The following TRAPPC9 variants were observed in gnomAD, a reference collection of about 807,000 sequenced individuals.
TRAPPC9 encodes the protein IKK2 binding protein.
Under a neutral mutation model 124.0 loss-of-function variants are expected in TRAPPC9, and 83 were observed. That is an observed-to-expected ratio of 0.67 (90% confidence interval 0.56 to 0.80). The LOEUF is 0.80. Ranked by LOEUF, TRAPPC9 falls within the 30% of genes least tolerant of loss-of-function variation. The pLI, the probability that TRAPPC9 is intolerant of heterozygous loss-of-function variation, is 0.00. For missense variants in TRAPPC9, 1,302 were observed against 1,508.3 expected, an observed-to-expected ratio of 0.86 and a Z score of 2.27; for synonymous variants, 638 against 617.5, an observed-to-expected ratio of 1.03 and a Z score of -0.49.
At chr8:140,095,872 T>C (rs183178912) in intron 17 of TRAPPC9, 2 of 152,258 alleles carry the variant, frequency 1.3e-5, no homozygotes, top group East Asian at 3.9e-4. Flanking sequence ...GAGCGGTGCC[T>C]CTCCGAGGTG....
At chr8:140,208,128 C>T (rs1440548985) in intron 17 of TRAPPC9, among the ~76,000 whole-genome samples, 4 of 148,128 alleles carry the variant, frequency 2.7e-5, no homozygotes, top group Admixed American at 1.4e-4. Flanking sequence ...CCAGCCTGGG[C>T]GACAAAAATG....
At chr8:139,967,203 G>C (rs890965739) in intron 19 of TRAPPC9, among the ~76,000 whole-genome samples, 1 of 152,148 alleles carries the variant, frequency 6.6e-6, no homozygotes, top group Admixed American at 6.5e-5. Flanking sequence ...GAATGCTCAT[G>C]AGCAATTCTT....
chr8:139,965,483 G>C (rs1835641641), intron 19 of TRAPPC9, among the ~76,000 whole-genome samples: 2 of 152,172 alleles, frequency 1.3e-5, no homozygotes, highest in South Asian at 4.1e-4. Context: ...AACTGGGGCT[G>C]ACAAGATAGG....
At chr8:140,189,971 T>C (rs2062448321) in intron 17 of TRAPPC9, among the ~76,000 whole-genome samples, 1 of 152,146 alleles carries the variant, frequency 6.6e-6, no homozygotes, top group Non-Finnish European at 1.5e-5. Flanking sequence ...TCATCTATCT[T>C]AGGCATTGCC....
intron 17 of TRAPPC9, among the ~76,000 whole-genome samples, chr8:140,195,128 C>T (rs575381774): frequency 2.8e-3 from 426 of 150,388 alleles, no homozygotes; most frequent in African/African-American, 9.1e-3. Context: ...ACACACTCAA[C>T]GATCCACTGT....
intron 9 of TRAPPC9, among the ~76,000 whole-genome samples, chr8:140,316,153 GA>G (rs1208494942): frequency 6.6e-6 from 1 of 152,068 alleles, no homozygotes; most frequent in African/African-American, 2.4e-5. Context: ...CAGAATAGAA[GA>G]AAAACTTTCA....
intron 19 of TRAPPC9, among the ~76,000 whole-genome samples, chr8:139,927,092 T>G (rs768152879): frequency 2.0e-5 from 3 of 152,166 alleles, no homozygotes; most frequent in Non-Finnish European, 4.4e-5. Flanking sequence ...GGGGGAAATG[T>G]AAATGTCAAA....
intron 17 of TRAPPC9, among the ~76,000 whole-genome samples, chr8:140,036,087 T>A (rs28630572): frequency 0.37 from 56,747 of 151,898 alleles, 10,846 homozygotes; most frequent in African/African-American, 0.46. Context: ...GTGGCGGGGC[T>A]ACAGAGAGAG....
At chr8:140,106,081 C>T (rs1169908612) in intron 17 of TRAPPC9, among the ~76,000 whole-genome samples, 1 of 151,062 alleles carries the variant, frequency 6.6e-6, no homozygotes, top group East Asian at 1.9e-4. Flanking sequence ...AAAGCAACAC[C>T]AATGACAAAG....
At chr8:140,305,544 C>T (rs1256491464) in intron 10 of TRAPPC9, among the ~76,000 whole-genome samples, 2 of 152,152 alleles carry the variant, frequency 1.3e-5, no homozygotes, top group Non-Finnish European at 2.9e-5. Flanking sequence ...TCAGGCAATC[C>T]CCCTGCCTCG....
At chr8:140,221,658 G>A in intron 16 of TRAPPC9, 75 bp from the exon 17 acceptor site, 1 of 1,534,486 alleles carries the variant, frequency 6.5e-7, no homozygotes, top group Non-Finnish European at 8.8e-7. Context: ...TTGTTGTTTG[G>A]GACGGGTCTC....
chr8:140,287,144 C>T (rs1400566404), intron 13 of TRAPPC9, among the ~76,000 whole-genome samples: 6 of 152,144 alleles, frequency 3.9e-5, no homozygotes, highest in African/African-American at 9.6e-5. Context: ...CACTGAGGAG[C>T]GAATTTAGAA....
At chr8:139,818,454 C>T (rs10092101) in intron 21 of TRAPPC9, among the ~76,000 whole-genome samples, 74,472 of 151,894 alleles carry the variant, frequency 0.49, 19,876 homozygotes, top group East Asian at 0.72. Context: ...TGTGTGCCTA[C>T]AATCACAGCT....
chr8:139,930,825 G>A (rs919015539), intron 19 of TRAPPC9, among the ~76,000 whole-genome samples: 17 of 152,158 alleles, frequency 1.1e-4, no homozygotes, highest in African/African-American at 3.9e-4. Context: ...GGCGAAAACG[G>A]GGCCACCCAA....
intron 16 of TRAPPC9, among the ~76,000 whole-genome samples, chr8:140,231,404 G>C (rs112168899): frequency 8.7e-5 from 13 of 148,806 alleles, no homozygotes; most frequent in African/African-American, 2.2e-4. Context: ...CCAGCAAAAA[G>C]AGAGAAAAGC....
At chr8:140,177,448 A>G (rs886694578) in intron 17 of TRAPPC9, among the ~76,000 whole-genome samples, 3 of 152,170 alleles carry the variant, frequency 2.0e-5, no homozygotes, top group African/African-American at 7.2e-5. Context: ...TCAATTGACT[A>G]TTTATGGATG....
At chr8:139,854,547 ATTCAAACCCTGG>A (rs1392320943) in intron 21 of TRAPPC9, among the ~76,000 whole-genome samples, 1 of 152,232 alleles carries the variant, frequency 6.6e-6, no homozygotes, top group Non-Finnish European at 1.5e-5. Context: ...AGCCACCCAG[ATTCAAACCCTGG>A]TTCCTCCACT....
intron 9 of TRAPPC9, among the ~76,000 whole-genome samples, chr8:140,357,754 G>A (rs376092892): frequency 8.5e-5 from 13 of 152,258 alleles, no homozygotes; most frequent in South Asian, 4.1e-4. Context: ...GCTCCCTCCC[G>A]TCACCGAAAC....
chr8:139,926,413 T>C (rs1832818585), intron 19 of TRAPPC9, among the ~76,000 whole-genome samples: 1 of 152,126 alleles, frequency 6.6e-6, no homozygotes, highest in African/African-American at 2.4e-5. Context: ...GAAGAACGAA[T>C]GGGTACCCCA....
Sources: allele counts gnomAD v4.1 joint callset (sites outside exome capture counted in the v4.1 genomes callset), GRCh38; gene constraint gnomAD v4.1.1; transcripts MANE v1.5; gene names NCBI Gene and HGNC (gene_info 2026-07-23, HGNC 2026-07-21).